NKD1: variants seen among roughly 807,000 people sequenced by gnomAD.
The protein encoded by NKD1 is protein naked cuticle homolog 1.
In NKD1, 21 loss-of-function variants were observed where a neutral mutation model predicts 56.0. The ratio of observed to expected loss-of-function variants is 0.38; its 90% CI spans 0.27 to 0.54. NKD1 has a LOEUF of 0.54. Among genes scored for constraint, NKD1 ranks in the 20% least tolerant of loss-of-function variants. NKD1 has a pLI of 0.82. For synonymous variants in NKD1, 263 were observed against 265.7 expected (o/e 0.99, Z 0.10); for missense variants, 578 against 642.7 (o/e 0.90, Z 1.09).
intron 3 of NKD1, among the ~76,000 whole-genome samples, chr16:50,593,214 G>A (rs1386635612): frequency 6.6e-6 from 1 of 152,148 alleles, no homozygotes; most frequent in Non-Finnish European, 1.5e-5. Context: ...GCAAGGGTGA[G>A]GAGGAGCGAG....
intron 3 of NKD1, among the ~76,000 whole-genome samples, chr16:50,589,241 A>G (rs777215850): frequency 6.6e-6 from 1 of 152,082 alleles, no homozygotes; most frequent in African/African-American, 2.4e-5. Context: ...TTTTAATACT[A>G]TTTCTCATAG....
At chr16:50,568,542 A>G (rs185698052) in intron 3 of NKD1, among the ~76,000 whole-genome samples, 265 of 152,306 alleles carry the variant, frequency 1.7e-3, no homozygotes, top group African/African-American at 5.6e-3. Flanking sequence ...CATAATGTCT[A>G]TGGTGATCGT....
chr16:50,617,306 T>A (rs1567350533), intron 4 of NKD1, among the ~76,000 whole-genome samples: 1 of 152,070 alleles, frequency 6.6e-6, no homozygotes, highest in Non-Finnish European at 1.5e-5. Flanking sequence ...TTTTTTAAAC[T>A]GGGGGAGGGG....
In NKD1 at chr16:50,632,264, T is replaced by C. The variant is rs770752568; in HGVS notation, c.696-17T>C. ...GGTGGTTGGTGTTATCCCACTCACT[T>C]GCCTCCCCTGCCGTAGGTTCCAGGG... On this transcript the variant is annotated splice_polypyrimidine_tract_variant and intron_variant, in intron 8 of 9. Transcript: ENST00000268459. This position sits in a 1 kb window ranked among gnomAD's most constrained non-coding sequence, Gnocchi z 4.1. The C allele has an allele frequency of 1.9e-6, 3 of 1,613,734 alleles. No individual in the cohort carries two copies. Among genetic ancestry groups the C allele is most frequent in the Non-Finnish European group, 2.5e-6 (3 of 1,179,790 alleles).
chr16:50,602,831 C>T (rs1208488123), intron 3 of NKD1, among the ~76,000 whole-genome samples: 1 of 152,248 alleles, frequency 6.6e-6, no homozygotes, highest in African/African-American at 2.4e-5. Context: ...GCGTCCCTCT[C>T]GTGTGGCACT....
intron 3 of NKD1, among the ~76,000 whole-genome samples, chr16:50,596,819 A>G (rs532993390): frequency 2.6e-5 from 4 of 152,338 alleles, no homozygotes; most frequent in Non-Finnish European, 5.9e-5. Flanking sequence ...CTAGGTGACA[A>G]GGTGATAATG....
intron 4 of NKD1, among the ~76,000 whole-genome samples, chr16:50,621,287 C>T (rs565880673): frequency 1.4e-4 from 22 of 152,360 alleles, no homozygotes; most frequent in African/African-American, 5.3e-4. Context: ...CCTCCACTCT[C>T]ATCCATCTGC....
chr16:50,551,515 C>T (rs1372433413), intron 3 of NKD1, among the ~76,000 whole-genome samples: 2 of 152,342 alleles, frequency 1.3e-5, no homozygotes, highest in African/African-American at 4.8e-5. Context: ...GCCTCTGTCT[C>T]CTTGGGAGTT....
At chr16:50,573,842 C>T in intron 3 of NKD1, 1 of 985,392 alleles carries the variant, frequency 1.0e-6, no homozygotes, top group Non-Finnish European at 1.2e-6. Flanking sequence ...CTGGCCTCAG[C>T]CACAGGGGCT....
At chr16:50,591,672 C>T (rs1961370029) in intron 3 of NKD1, among the ~76,000 whole-genome samples, 1 of 152,206 alleles carries the variant, frequency 6.6e-6, no homozygotes, top group Non-Finnish European at 1.5e-5. Flanking sequence ...CCATTTGTTT[C>T]CCAGTGAGCT....
chr16:50,613,335 C>T (rs1184099285), intron 4 of NKD1, among the ~76,000 whole-genome samples: 3 of 152,066 alleles, frequency 2.0e-5, no homozygotes, highest in African/African-American at 7.2e-5. Context: ...GGACATTGCC[C>T]GGGACTCTCG....
At chr16:50,572,901 A>G (rs2151267098) in intron 3 of NKD1, 1 of 984,070 alleles carries the variant, frequency 1.0e-6, no homozygotes, top group South Asian at 4.7e-5. Flanking sequence ...AGGGGTGCTG[A>G]CCTGCCCCGT....
rs751237487 is a variant in NKD1, at chr16:50,633,203, G to A, written c.835G>A (p.Val279Met). 118 of 1,603,760 alleles carry A rather than the reference G, an allele frequency of 7.4e-5. No individual in the cohort carries two copies. Among genetic ancestry groups the A allele is most frequent in the Non-Finnish European group, 8.9e-5 (104 of 1,173,196 alleles). Residue 279 changes from valine (V) to methionine (M), a missense_variant, in exon 10 of 10, where the codon GTG becomes ATG. Physicochemically the swap from Val to Met is conservative, Grantham distance 21. Coordinates refer to ENST00000268459, the MANE Select transcript of NKD1 (RefSeq NM_033119.5). The surrounding 1 kb of genome is among the most constrained non-coding windows in gnomAD (Gnocchi z 4.9). The stretch of plus-strand genomic sequence containing the variant: ...GAATTGGTTCCTAGGCTCCCCTTCC[G>A]TGGCCCAGAAGTCAGAACTGCCCCC... The part of the protein sequence containing the change: ...TSQFGPGSPS[V>M]AQKSELPPRT...
chr16:50,584,197 C>T (rs970126712), intron 3 of NKD1, among the ~76,000 whole-genome samples: 3 of 152,178 alleles, frequency 2.0e-5, no homozygotes, highest in Admixed American at 1.3e-4. Context: ...GTGGCCTCTC[C>T]TTGTTGTGTA....
At chr16:50,584,258 TGA>T (rs1961180646) in intron 3 of NKD1, among the ~76,000 whole-genome samples, 1 of 152,220 alleles carries the variant, frequency 6.6e-6, no homozygotes, top group South Asian at 2.1e-4. Context: ...GGACAGGGTC[TGA>T]GAGAGGAAGT....
chr16:50,600,038 C>T (rs1339692335), intron 3 of NKD1, among the ~76,000 whole-genome samples: 1 of 151,998 alleles, frequency 6.6e-6, no homozygotes, highest in African/African-American at 2.4e-5. Context: ...GGTGTCTCTC[C>T]CCCACCCACC....
intron 3 of NKD1, among the ~76,000 whole-genome samples, chr16:50,566,743 T>C (rs2151265524): frequency 6.6e-6 from 1 of 152,276 alleles, no homozygotes; most frequent in South Asian, 2.1e-4. Context: ...CCCATTGCCA[T>C]TGGATCTTGG....
At chr16:50,570,075 T>A (rs1960849038) in intron 3 of NKD1, among the ~76,000 whole-genome samples, 1 of 152,090 alleles carries the variant, frequency 6.6e-6, no homozygotes, top group Non-Finnish European at 1.5e-5. Flanking sequence ...GTATGTCAAC[T>A]TTTTTTTATT....
At chr16:50,551,544 C>T (rs1960385231) in intron 3 of NKD1, among the ~76,000 whole-genome samples, 1 of 152,132 alleles carries the variant, frequency 6.6e-6, no homozygotes, top group African/African-American at 2.4e-5. Flanking sequence ...TGCTGGGGAC[C>T]CAGACGCCTG....
Sources: gnomAD v4.1 joint callset for allele counts (sites outside exome capture counted in the v4.1 genomes callset) on GRCh38, gnomAD v4.1.1 for gene constraint, Gnocchi (gnomAD v3.1) non-coding constraint, MANE v1.5 for transcripts, NCBI Gene and HGNC (gene_info 2026-07-23, HGNC 2026-07-21) for gene names.